CTTN: variants seen among roughly 807,000 people sequenced by gnomAD.
CTTN encodes cortactin.
A neutral mutation model predicts 84.0 loss-of-function variants in CTTN; 28 were observed. The observed-to-expected ratio is 0.33, with a 90% CI of 0.25 to 0.46. The LOEUF is 0.46. Among genes scored for constraint, CTTN ranks in the 20% least tolerant of loss-of-function variants. The pLI is 1.00. For missense variants in CTTN, 641 were observed against 723.8 expected (o/e 0.89, Z 1.31); for synonymous variants, 301 against 288.8 (o/e 1.04, Z -0.43).
At chr11:70,432,491 A>G (rs545522334) in intron 15 of CTTN, among the ~76,000 whole-genome samples, 7 of 152,350 alleles carry the variant, frequency 4.6e-5, no homozygotes, top group African/African-American at 1.7e-4. Flanking sequence ...GGTCAGAAAC[A>G]TTGATTAAAG....
intron 2 of CTTN, among the ~76,000 whole-genome samples, chr11:70,406,522 A>G (rs1436224717): frequency 8.0e-6 from 1 of 125,164 alleles, no homozygotes; most frequent in East Asian, 2.1e-4. Flanking sequence ...ACATAGTTTG[A>G]AAAAAAAAAA....
At chr11:70,419,356 C>A (rs946030256) in intron 8 of CTTN, among the ~76,000 whole-genome samples, 1 of 152,134 alleles carries the variant, frequency 6.6e-6, no homozygotes, top group African/African-American at 2.4e-5. Context: ...GTGATCCACC[C>A]ACCTCGACCT....
At chr11:70,420,296 G>T in intron 9 of CTTN, 104 bp from the exon 10 acceptor site, 1 of 774,898 alleles carries the variant, frequency 1.3e-6, no homozygotes, top group Non-Finnish European at 2.3e-6. Context: ...GGGAAGAGTA[G>T]ATTGAGTGAA....
At chr11:70,422,905 C>T (rs756374106) in intron 11 of CTTN, 35 bp from the exon 12 acceptor site, 4 of 1,613,938 alleles carry the variant, frequency 2.5e-6, no homozygotes, top group Non-Finnish European at 3.4e-6. Flanking sequence ...CTCGCCTCCA[C>T]CTCAGAGTAA....
At chr11:70,426,629 C>G (rs2058304019) in intron 13 of CTTN, among the ~76,000 whole-genome samples, 1 of 150,424 alleles carries the variant, frequency 6.6e-6, no homozygotes, top group Non-Finnish European at 1.5e-5. Context: ...GTCGCCCAGG[C>G]TGGAGTGCAG....
rs75583744 is a variant in CTTN at position 70,433,967 on chromosome 11, C to T, written c.1516+249C>T. Among the ~76,000 whole-genome samples the T allele has an allele frequency of 2.9e-3, 445 of 152,340 alleles. 2 individuals are homozygous for T. Among genetic ancestry groups the T allele is most frequent in the African/African-American group, 0.01 (426 of 41,574 alleles). ...TAGTATTCTCTGAACCCTTGGAGAGCTGCAGGGGTGCTGCCACCCCCAAAG... is the reference window on the plus strand; with the variant it reads ...TAGTATTCTCTGAACCCTTGGAGAGTTGCAGGGGTGCTGCCACCCCCAAAG... On this transcript the variant is annotated intron_variant, in intron 17 of 17. Transcript: ENST00000301843.
chr11:70,404,077 C>G (rs1055193549), intron 1 of CTTN, among the ~76,000 whole-genome samples: 2 of 152,132 alleles, frequency 1.3e-5, no homozygotes, highest in Admixed American at 1.3e-4. Context: ...TAGATGCTTG[C>G]CGATTACACT....
At chr11:70,423,601 T>G (rs1225152974) in intron 12 of CTTN, among the ~76,000 whole-genome samples, 1 of 152,152 alleles carries the variant, frequency 6.6e-6, no homozygotes, top group Non-Finnish European at 1.5e-5. Context: ...GGCTCATTTC[T>G]GAGGGCAGGC....
intron 7 of CTTN, among the ~76,000 whole-genome samples, chr11:70,416,402 C>T (rs1420274596): frequency 1.3e-5 from 2 of 151,848 alleles, no homozygotes; most frequent in East Asian, 1.9e-4. Flanking sequence ...TCATATGAGG[C>T]TTTCTCTTTC....
Position 70,429,096 on chromosome 11 carries a change from C to G in CTTN, c.1073C>G (p.Ala358Gly), listed in dbSNP as rs1426158997. 6.2e-7 allele frequency: 1 copy of G among 1,614,058 alleles called. No individual in the cohort carries two copies. The highest frequency in any genetic ancestry group is 1.7e-5 in the Admixed American group (1 of 60,006). The change falls in exon 14 of 18, where the codon GCT becomes GGT. Residue 358 changes from alanine (A) to glycine (G), a missense_variant. Physicochemically the swap from Ala to Gly is moderately conservative, Grantham distance 60. Transcript: ENST00000301843. ...SNIRANFENL[A>G]KEKEQEDRRK... ...ATCAGAGCTAACTTTGAAAACCTCGCTAAGGAGAAAGAGCAGGAGGACAGG... is the reference window on the plus strand; with the variant it reads ...ATCAGAGCTAACTTTGAAAACCTCGGTAAGGAGAAAGAGCAGGAGGACAGG...
At chr11:70,434,565 G>A (rs1236524113) in intron 17 of CTTN, among the ~76,000 whole-genome samples, 3 of 152,278 alleles carry the variant, frequency 2.0e-5, no homozygotes, top group Non-Finnish European at 4.4e-5. Flanking sequence ...TGGCATCTCG[G>A]CACCTGTGCG....
chr11:70,435,153 G>A lies in CTTN; in HGVS notation c.1644G>A (p.Leu548=), dbSNP rs1006132685. ...YGLFPANYVE[L]RQ ...TCTTCCCAGCCAACTATGTGGAGCT[G>A]CGGCAGTAGGGCCCCCAGCCCCCCC... Residue 548 remains leucine, a synonymous_variant, in exon 18 of 18, where the codon CTG becomes CTA. Transcript: ENST00000301843. The A allele has an allele frequency of 1.2e-6, 2 of 1,609,500 alleles. No individual in the cohort carries two copies. Among genetic ancestry groups the A allele is most frequent in the Non-Finnish European group, 1.7e-6 (2 of 1,178,148 alleles).
In CTTN at chr11:70,435,825, G is replaced by A; in HGVS notation, c.*663G>A. 1.1e-5 allele frequency: 17 copies of A among 1,544,792 alleles called. No individual in the cohort carries two copies. Among genetic ancestry groups the A allele is most frequent in the Non-Finnish European group, 1.3e-5 (15 of 1,153,356 alleles). On this transcript the variant is annotated 3_prime_UTR_variant, in exon 18 of 18. Coordinates refer to ENST00000301843, the MANE Select transcript of CTTN (RefSeq NM_005231.4). ...ATCTCTACCCATCCCCTGATGCCCA[G>A]GTCACCGGGAGGGCTGCTGGGAGCC... is the stretch of plus-strand genomic sequence containing the variant.
At chr11:70,400,836 AC>A (rs1214604992) in intron 1 of CTTN, among the ~76,000 whole-genome samples, 1 of 152,108 alleles carries the variant, frequency 6.6e-6, no homozygotes, top group African/African-American at 2.4e-5. Flanking sequence ...GCCCAGGCCC[AC>A]CCCATCTGCT....
intron 1 of CTTN, among the ~76,000 whole-genome samples, chr11:70,402,960 T>C (rs1008627982): frequency 1.3e-5 from 2 of 152,172 alleles, no homozygotes; most frequent in African/African-American, 4.8e-5. Context: ...TTCAACACTG[T>C]TGCTGAGATT....
chr11:70,401,653 A>T (rs1355303994), intron 1 of CTTN, among the ~76,000 whole-genome samples: 2 of 147,070 alleles, frequency 1.4e-5, no homozygotes, highest in Non-Finnish European at 3.1e-5. Flanking sequence ...GTCTCAAACA[A>T]AAAAAAACAA....
intron 14 of CTTN, among the ~76,000 whole-genome samples, chr11:70,429,610 ACT>A (rs2058333257): frequency 6.6e-6 from 1 of 150,682 alleles, no homozygotes; most frequent in Non-Finnish European, 1.5e-5. Context: ...TTTGGAGGGG[ACT>A]CTGTGCAGAG....
chr11:70,415,343 G>A (rs1042143634), intron 6 of CTTN, among the ~76,000 whole-genome samples: 1 of 152,204 alleles, frequency 6.6e-6, no homozygotes, highest in Non-Finnish European at 1.5e-5. Context: ...TTCTCAGCAT[G>A]ACTTATTTGA....
intron 14 of CTTN, among the ~76,000 whole-genome samples, chr11:70,430,536 T>C (rs550187260): frequency 2.6e-5 from 4 of 152,312 alleles, no homozygotes; most frequent in East Asian, 3.9e-4. Flanking sequence ...TGTGATTACA[T>C]TGGGTCCACC....
Sources: allele counts gnomAD v4.1 joint callset (sites outside exome capture counted in the v4.1 genomes callset), GRCh38; gene constraint gnomAD v4.1.1; transcripts MANE v1.5; gene names NCBI Gene and HGNC (gene_info 2026-07-23, HGNC 2026-07-21).